The following SORCS1 variants were observed in gnomAD, a reference collection of about 807,000 sequenced individuals.
SORCS1 encodes the protein sortilin related VPS10 domain containing receptor 1, also known as VPS10 domain-containing receptor SorCS1.
A neutral mutation model predicts 146.1 loss-of-function variants in SORCS1; 60 were observed. That is an observed-to-expected ratio of 0.41 (90% confidence interval 0.33 to 0.51). SORCS1 has a LOEUF of 0.51. Among genes scored for constraint, SORCS1 ranks in the 20% least tolerant of loss-of-function variants. SORCS1 has a pLI of 0.21. For synonymous variants in SORCS1, 637 were observed against 584.0 expected (o/e 1.09, Z -1.31); for missense variants, 1,352 against 1,487.6 (o/e 0.91, Z 1.50).
chr10:106,773,240 T>G (rs974516566), intron 4 of SORCS1, among the ~76,000 whole-genome samples: 4 of 152,196 alleles, frequency 2.6e-5, no homozygotes, highest in African/African-American at 9.6e-5. Context: ...AAAGAATAAA[T>G]GTTCCTGTTT....
At chr10:106,904,702 A>T (rs994000951) in intron 2 of SORCS1, among the ~76,000 whole-genome samples, 3 of 152,184 alleles carry the variant, frequency 2.0e-5, no homozygotes, top group Non-Finnish European at 4.4e-5. Flanking sequence ...TGTTTAGAAA[A>T]ATCTTACCTA....
Position 106,882,339 on chromosome 10 carries a change from G to C in SORCS1, c.627-52666C>G, listed in dbSNP as rs1178233363. Reference sequence around the variant, plus strand: ...AAGAAAGTTTATAGATTTGTGTTGGGATGCATTCAAAGCCATTCTGGACTG... The same window carrying C: ...AAGAAAGTTTATAGATTTGTGTTGGCATGCATTCAAAGCCATTCTGGACTG... On this transcript the variant is annotated intron_variant, in intron 2 of 25. Transcript: ENST00000263054. 2.0e-5 allele frequency among the ~76,000 whole-genome samples: 3 copies of C among 152,066 alleles called. No homozygotes were observed. In the East Asian group the frequency reaches 5.8e-4, roughly 29 times the overall value.
At position 106,657,942 on chromosome 10, in the gene SORCS1, C is replaced by T. The variant is rs186667019; in HGVS notation, c.2304-5389G>A. ...AGCATAGATTTCAGCACATTTAGAA[C>T]GTTAATAAATATTAAAATATAAAAA... On this transcript the variant is annotated intron_variant, in intron 17 of 25. Coordinates refer to ENST00000263054, the MANE Select transcript of SORCS1 (RefSeq NM_052918.5). Among the ~76,000 whole-genome samples, 8 of 151,562 alleles carry T rather than the reference C, an allele frequency of 5.3e-5. No individual in the cohort carries two copies. The South Asian group carries it at 8.4e-4, about 16-fold the overall frequency.
chr10:106,855,261 G>A (rs1949740570), intron 2 of SORCS1, among the ~76,000 whole-genome samples: 1 of 152,008 alleles, frequency 6.6e-6, no homozygotes. Flanking sequence ...CCTCTTTACA[G>A]GTAGGTGTTC....
At chr10:106,902,825 T>C (rs777847731) in intron 2 of SORCS1, among the ~76,000 whole-genome samples, 3 of 152,238 alleles carry the variant, frequency 2.0e-5, no homozygotes, top group Non-Finnish European at 4.4e-5. Flanking sequence ...ACGCCTATAA[T>C]CCCAGCACTT....
chr10:106,814,591 A>G (rs1947634940), intron 3 of SORCS1, among the ~76,000 whole-genome samples: 1 of 152,204 alleles, frequency 6.6e-6, no homozygotes, highest in South Asian at 2.1e-4. Flanking sequence ...TTCTGTAATC[A>G]TTCTGAAAAT....
chr10:106,937,512 A>C (rs1018301299), intron 2 of SORCS1, among the ~76,000 whole-genome samples: 6 of 152,084 alleles, frequency 3.9e-5, no homozygotes, highest in Non-Finnish European at 8.8e-5. Flanking sequence ...GTTCCCTTGC[A>C]CATGCTCTCT....
chr10:106,903,276 A>G (rs1951788365), intron 2 of SORCS1, among the ~76,000 whole-genome samples: 1 of 152,198 alleles, frequency 6.6e-6, no homozygotes. Flanking sequence ...GACTCTTATG[A>G]AAGCATTTGT....
chr10:107,081,163 T>C (rs566969577), intron 1 of SORCS1, among the ~76,000 whole-genome samples: 10 of 152,338 alleles, frequency 6.6e-5, no homozygotes, highest in African/African-American at 2.4e-4. Flanking sequence ...CTCTTTAATC[T>C]TTCCCTACCT....
chr10:106,779,542 C>A (rs1246951705), intron 3 of SORCS1, among the ~76,000 whole-genome samples: 7 of 145,894 alleles, frequency 4.8e-5, no homozygotes, highest in Non-Finnish European at 9.0e-5. Context: ...GACATTATGG[C>A]CCATATTTTT....
upstream of SORCS1, among the ~76,000 whole-genome samples, chr10:107,166,431 G>C (rs1379136917): frequency 6.6e-6 from 1 of 152,198 alleles, no homozygotes; most frequent in African/African-American, 2.4e-5. Flanking sequence ...AGGAGGGCAG[G>C]CTTCTCAGCC....
At chr10:107,180,887 A>G in the SORCS1 span, among the ~76,000 whole-genome samples, 1 of 152,210 alleles carries the variant, frequency 6.6e-6, no homozygotes. Context: ...GCTATGTGGC[A>G]TAGCCTATTG....
chr10:106,722,558 G>A (rs1174187641), intron 6 of SORCS1, among the ~76,000 whole-genome samples: 3 of 152,148 alleles, frequency 2.0e-5, no homozygotes, highest in Non-Finnish European at 4.4e-5. Context: ...GTTGGTTAAA[G>A]GGCCAAGGTT....
At chr10:107,065,390 G>A (rs766240225) in intron 1 of SORCS1, among the ~76,000 whole-genome samples, 1 of 118,556 alleles carries the variant, frequency 8.4e-6, no homozygotes, top group Non-Finnish European at 1.7e-5. Flanking sequence ...CTAATATTAT[G>A]CTGAACATTT....
intron 2 of SORCS1, among the ~76,000 whole-genome samples, chr10:106,834,026 C>T (rs547985207): frequency 6.6e-6 from 1 of 152,132 alleles, no homozygotes; most frequent in Non-Finnish European, 1.5e-5. Flanking sequence ...ATCTCCTGAC[C>T]TTGTGATTCA....
intron 2 of SORCS1, among the ~76,000 whole-genome samples, chr10:106,893,331 G>A (rs558146045): frequency 1.6e-4 from 25 of 152,198 alleles, no homozygotes; most frequent in African/African-American, 6.0e-4. Flanking sequence ...CATTTGTTTT[G>A]ATCTAAAACA....
At position 106,639,140 on chromosome 10, in the gene SORCS1, G is replaced by T. The variant is rs768040129; in HGVS notation, c.2476-9752C>A. ...CTTGAGGACTGAGCGGCTGAGCAGA[G>T]GGTCATGGAATAATAAATGGCAAAG... On this transcript the variant is annotated intron_variant, in intron 18 of 25. Transcript: ENST00000263054. Among the ~76,000 whole-genome samples the T allele has an allele frequency of 7.4e-4, 112 of 152,306 alleles. 1 individual carries two copies. The highest frequency in any genetic ancestry group is 1.2e-3 in the Non-Finnish European group (82 of 68,026).
intron 1 of SORCS1, among the ~76,000 whole-genome samples, chr10:107,070,919 TAA>T (rs879456793): frequency 6.8e-6 from 1 of 147,538 alleles, no homozygotes; most frequent in Non-Finnish European, 1.5e-5. Flanking sequence ...TAAGATATCT[TAA>T]AAAAAAAAAT....
chr10:107,025,848 C>T (rs1038134560), intron 1 of SORCS1, among the ~76,000 whole-genome samples: 4 of 152,116 alleles, frequency 2.6e-5, no homozygotes, highest in Non-Finnish European at 1.5e-5. Flanking sequence ...AGTCAGCAAG[C>T]GTGAGAGCCC....
Sources: gnomAD v4.1 joint callset for allele counts (sites outside exome capture counted in the v4.1 genomes callset) on GRCh38, gnomAD v4.1.1 for gene constraint, MANE v1.5 for transcripts, NCBI Gene and HGNC (gene_info 2026-07-23, HGNC 2026-07-21) for gene names.